DMRT1: variants seen among roughly 807,000 people sequenced by gnomAD.
The protein encoded by DMRT1 is doublesex and mab-3 related transcription factor 1.
Under a neutral mutation model 32.3 loss-of-function variants are expected in DMRT1, and 7 were observed. The observed-to-expected ratio is 0.22, with a 90% CI of 0.12 to 0.41. DMRT1 has a LOEUF of 0.41. Among genes scored for constraint, DMRT1 ranks in the 10% least tolerant of loss-of-function variants. The pLI, the probability that DMRT1 is intolerant of heterozygous loss-of-function variation, is 1.00. For missense variants in DMRT1, 625 were observed against 500.5 expected (o/e 1.25, Z -2.37); for synonymous variants, 278 against 206.1 (o/e 1.35, Z -2.99).
At chr9:960,719 G>A (rs1351655824) in intron 4 of DMRT1, among the ~76,000 whole-genome samples, 2 of 152,224 alleles carry the variant, frequency 1.3e-5, no homozygotes, top group Non-Finnish European at 2.9e-5. Flanking sequence ...CTAAGTGAGA[G>A]GAGCCAGCCA....
chr9:938,717 C>T (rs1056040225), intron 4 of DMRT1, among the ~76,000 whole-genome samples: 1 of 152,112 alleles, frequency 6.6e-6, no homozygotes, highest in African/African-American at 2.4e-5. Flanking sequence ...TTCTTTCTTT[C>T]CAATTTGGGT....
At chr9:947,590 G>A (rs1819287437) in intron 4 of DMRT1, among the ~76,000 whole-genome samples, 1 of 152,176 alleles carries the variant, frequency 6.6e-6, no homozygotes, top group African/African-American at 2.4e-5. Context: ...AATTCTGGAA[G>A]TTGGAGGTCA....
chr9:867,600 G>T (rs1200914604), intron 2 of DMRT1, among the ~76,000 whole-genome samples: 2 of 152,162 alleles, frequency 1.3e-5, no homozygotes, highest in Non-Finnish European at 2.9e-5. Flanking sequence ...GGAAATTGAG[G>T]TTTAGTAACT....
intron 2 of DMRT1, among the ~76,000 whole-genome samples, chr9:848,215 A>G (rs1340782920): frequency 1.1e-4 from 17 of 152,190 alleles, no homozygotes; most frequent in Non-Finnish European, 2.1e-4. Context: ...TCACACAACT[A>G]TATATTATTA....
chr9:896,923 A>G (rs757369270), intron 3 of DMRT1, among the ~76,000 whole-genome samples: 47 of 152,050 alleles, frequency 3.1e-4, no homozygotes, highest in Non-Finnish European at 6.6e-4. Flanking sequence ...AGGTATTAAA[A>G]TGTTGTTAAA....
chr9:870,546 C>T (rs138804154), intron 2 of DMRT1, among the ~76,000 whole-genome samples: 2 of 152,112 alleles, frequency 1.3e-5, no homozygotes, highest in African/African-American at 4.8e-5. Context: ...TCCTTTTAGC[C>T]ACAGCATTGT....
chr9:961,767 C>A (rs1026813642), intron 4 of DMRT1, among the ~76,000 whole-genome samples: 1 of 152,138 alleles, frequency 6.6e-6, no homozygotes, highest in Non-Finnish European at 1.5e-5. Flanking sequence ...GATTCTGATG[C>A]GTTCAAAAGC....
In DMRT1 at chr9:965,604, G is replaced by C. The variant is rs976516140; in HGVS notation, c.968-2381G>C. On this transcript the variant is annotated intron_variant, in intron 4 of 4. Coordinates refer to ENST00000382276, the MANE Select transcript of DMRT1 (RefSeq NM_021951.3). The surrounding 1 kb of genome is among the most constrained non-coding windows in gnomAD (Gnocchi z 4.5). ...AAATGAGGAGAGGGCATCTCCCGGG[G>C]CATCTCCCAGTCAGCTGCTAACTGG... Among the ~76,000 whole-genome samples, 1 of 152,198 alleles carries C rather than the reference G, an allele frequency of 6.6e-6. No homozygotes were observed. The highest frequency in any genetic ancestry group is 2.4e-5 in the African/African-American group (1 of 41,444).
At chr9:938,502 T>G (rs1190227017) in intron 4 of DMRT1, among the ~76,000 whole-genome samples, 1 of 152,220 alleles carries the variant, frequency 6.6e-6, no homozygotes, top group Non-Finnish European at 1.5e-5. Flanking sequence ...CTGGTTAAAT[T>G]TATTTCTGAA....
intron 4 of DMRT1, among the ~76,000 whole-genome samples, chr9:930,201 A>T (rs2129852315): frequency 6.6e-6 from 1 of 152,170 alleles, no homozygotes; most frequent in Non-Finnish European, 1.5e-5. Context: ...GGTAGGATGG[A>T]GCTAGATTGT....
At chr9:865,020 A>C (rs1469327079) in intron 2 of DMRT1, among the ~76,000 whole-genome samples, 1 of 152,158 alleles carries the variant, frequency 6.6e-6, no homozygotes, top group East Asian at 1.9e-4. Flanking sequence ...TCTTATTCTT[A>C]CCAGTGTGGT....
rs566072773 is a variant in DMRT1, at chr9:960,972, G to C, written c.968-7013G>C. ...GTGGTTGTCACCGGGCCACACGTGT[G>C]GGTGACCACAGGAGGGAACGTAGCA... On this transcript the variant is annotated intron_variant, in intron 4 of 4. Coordinates refer to ENST00000382276, the MANE Select transcript of DMRT1 (RefSeq NM_021951.3). Among the ~76,000 whole-genome samples, 25 of 152,324 alleles carry C rather than the reference G, an allele frequency of 1.6e-4. No individual in the cohort carries two copies. The South Asian group carries it at 5.2e-3, about 32-fold the overall frequency.
intron 2 of DMRT1, among the ~76,000 whole-genome samples, chr9:882,068 G>A (rs547220612): frequency 7.2e-5 from 11 of 152,288 alleles, no homozygotes; most frequent in African/African-American, 1.9e-4. Flanking sequence ...AGTTTTCCTC[G>A]GTGACTTGGG....
chr9:936,595 T>C (rs537639566), intron 4 of DMRT1, among the ~76,000 whole-genome samples: 48 of 152,028 alleles, frequency 3.2e-4, no homozygotes, highest in African/African-American at 1.1e-3. Context: ...CTACTAAAAA[T>C]ACAAAGAATT....
chr9:880,635 A>T (rs1256559496), intron 2 of DMRT1, among the ~76,000 whole-genome samples: 1 of 149,962 alleles, frequency 6.7e-6, no homozygotes, highest in Admixed American at 6.7e-5. Context: ...CTGAGGCAGG[A>T]GAATTGCTTG....
intron 3 of DMRT1, among the ~76,000 whole-genome samples, chr9:896,092 C>T (rs908784985): frequency 5.3e-5 from 8 of 151,760 alleles, no homozygotes; most frequent in African/African-American, 1.7e-4. Flanking sequence ...CATGAGCCAC[C>T]ACTCCCAGCC....
Position 963,890 on chromosome 9 carries a change from C to G in DMRT1, c.968-4095C>G, listed in dbSNP as rs189722699. Among the ~76,000 whole-genome samples, 487 of 152,216 alleles carry G rather than the reference C, an allele frequency of 3.2e-3. 4 individuals carry two copies. Among genetic ancestry groups the G allele is most frequent in the African/African-American group, 0.011 (470 of 41,522 alleles). ...CTTTTCATCAGATTCTTTCTTATGCCTACAAAGTCTAGGAAACTGAAGAGG... is the reference window on the plus strand; with the variant it reads ...CTTTTCATCAGATTCTTTCTTATGCGTACAAAGTCTAGGAAACTGAAGAGG... On this transcript the variant is annotated intron_variant, in intron 4 of 4. Coordinates refer to ENST00000382276, the MANE Select transcript of DMRT1 (RefSeq NM_021951.3).
intron 2 of DMRT1, among the ~76,000 whole-genome samples, chr9:863,067 C>T (rs1010999242): frequency 4.8e-5 from 7 of 145,434 alleles, no homozygotes; most frequent in Non-Finnish European, 8.9e-5. Flanking sequence ...CTCATCCCAG[C>T]ATTCTGGGAG....
intron 2 of DMRT1, among the ~76,000 whole-genome samples, chr9:853,531 G>A (rs1343510866): frequency 6.7e-6 from 1 of 150,056 alleles, no homozygotes; most frequent in Non-Finnish European, 1.5e-5. Context: ...GGGGTGTAGT[G>A]GTGTGATCTC....
Sources: gnomAD v4.1 joint callset for allele counts (sites outside exome capture counted in the v4.1 genomes callset) on GRCh38, gnomAD v4.1.1 for gene constraint, Gnocchi (gnomAD v3.1) non-coding constraint, MANE v1.5 for transcripts, NCBI Gene and HGNC (gene_info 2026-07-23, HGNC 2026-07-21) for gene names.